The following PCDHGA12 variants were observed in gnomAD, a reference collection of about 807,000 sequenced individuals.
The protein encoded by PCDHGA12 is protocadherin gamma-A12.
A neutral mutation model predicts 61.1 loss-of-function variants in PCDHGA12; 43 were observed. The ratio of observed to expected loss-of-function variants is 0.70; its 90% confidence interval spans 0.55 to 0.91. The LOEUF is 0.91. Ranked by LOEUF, PCDHGA12 falls within the 40% of genes least tolerant of loss-of-function variation. PCDHGA12 has a pLI of 0.00. For missense variants in PCDHGA12, 1,236 were observed against 1,227.7 expected (o/e 1.01, Z -0.10); for synonymous variants, 520 against 542.9 (o/e 0.96, Z 0.59).
intron 2 of PCDHGA12, 91 bp from the exon 3 acceptor site, chr5:141,505,302 G>C: frequency 6.3e-7 from 1 of 1,592,714 alleles, no homozygotes. Context: ...TAGGGTTAGG[G>C]TACTAGGTTT....
intron 1 of PCDHGA12, among the ~76,000 whole-genome samples, chr5:141,482,144 G>C (rs564178008): frequency 1.3e-4 from 20 of 151,858 alleles, no homozygotes; most frequent in Admixed American, 9.8e-4. Flanking sequence ...GGCATAAAAA[G>C]GTCAAGTCAA....
At position 141,477,744 on chromosome 5, in the gene PCDHGA12, G is replaced by A; in HGVS notation, c.2425-17063G>A. On this transcript the variant is annotated intron_variant, in intron 1 of 3. Coordinates refer to ENST00000252085, the MANE Select transcript of PCDHGA12 (RefSeq NM_003735.3). The surrounding 1 kb of genome is among the most constrained non-coding windows in gnomAD (Gnocchi z 4.9). Reference sequence around the variant, plus strand: ...TTAACAGCTCATATCAGCGATGGGGGCACCCCGGTCCTAGCCACCAACATC... The same window carrying A: ...TTAACAGCTCATATCAGCGATGGGGACACCCCGGTCCTAGCCACCAACATC... 6.2e-7 allele frequency: 1 copy of A among 1,613,778 alleles called. No homozygotes were observed. The highest frequency in any genetic ancestry group is 8.5e-7 in the Non-Finnish European group (1 of 1,180,028).
chr5:141,496,467 T>A (rs1334392771), intron 2 of PCDHGA12, among the ~76,000 whole-genome samples: 1 of 152,056 alleles, frequency 6.6e-6, no homozygotes, highest in Non-Finnish European at 1.5e-5. Context: ...GAGTTATCTT[T>A]CCCCCATCCT....
chr5:141,489,425 G>A lies in PCDHGA12; in HGVS notation c.2425-5382G>A, dbSNP rs779739693. 18 of 1,614,000 alleles carry A rather than the reference G, an allele frequency of 1.1e-5. No homozygotes were observed. Among genetic ancestry groups the A allele is most frequent in the South Asian group, 5.5e-5 (5 of 91,074 alleles). The stretch of plus-strand genomic sequence containing the variant: ...TTAAAGATGACAGATCTGTTGAGCC[G>A]GCGGCTGCAATTGGGCTCTGAGGAG... On this transcript the variant is annotated intron_variant, in intron 1 of 3. Transcript: ENST00000252085. This position sits in a 1 kb window ranked among gnomAD's most constrained non-coding sequence, Gnocchi z 4.5.
chr5:141,503,894 T>C (rs898125492), intron 2 of PCDHGA12, among the ~76,000 whole-genome samples: 2 of 152,144 alleles, frequency 1.3e-5, no homozygotes, highest in African/African-American at 4.8e-5. Flanking sequence ...CATGACAAAA[T>C]ATGCACACAC....
rs2099427481 is a variant in PCDHGA12 at position 141,477,973 on chromosome 5, T to A, written c.2425-16834T>A. On this transcript the variant is annotated intron_variant, in intron 1 of 3. Coordinates refer to ENST00000252085, the MANE Select transcript of PCDHGA12 (RefSeq NM_003735.3). The surrounding 1 kb of genome is among the most constrained non-coding windows in gnomAD (Gnocchi z 4.9). The stretch of plus-strand genomic sequence containing the variant: ...TGGGATCCCCTAACCAGAGCCTTTT[T>A]GCCATAGGGCTGCACACTGGTCAAA... 1 of 1,614,030 alleles carries A rather than the reference T, an allele frequency of 6.2e-7. No individual in the cohort carries two copies. The highest frequency in any genetic ancestry group is 8.5e-7 in the Non-Finnish European group (1 of 1,180,030).
At chr5:141,461,617 C>T (rs1297064745) in intron 1 of PCDHGA12, among the ~76,000 whole-genome samples, 1 of 152,090 alleles carries the variant, frequency 6.6e-6, no homozygotes, top group African/African-American at 2.4e-5. Flanking sequence ...AAAGTATTTT[C>T]TAATACACCT....
rs374229757 is a variant in PCDHGA12, at chr5:141,491,437, C to T, written c.2425-3370C>T. 4 of 1,613,978 alleles carry T rather than the reference C, an allele frequency of 2.5e-6. No homozygotes were observed. Among genetic ancestry groups the T allele is most frequent in the Admixed American group, 3.3e-5 (2 of 60,004 alleles). ...CGGGGGTGGAGGGCAGTGCTGCAGG[C>T]GCCAGGACTCACCCTCCCCGGACTT... On this transcript the variant is annotated intron_variant, in intron 1 of 3. Coordinates refer to ENST00000252085, the MANE Select transcript of PCDHGA12 (RefSeq NM_003735.3). This position sits in a 1 kb window ranked among gnomAD's most constrained non-coding sequence, Gnocchi z 6.9.
chr5:141,505,324 G>A, intron 2 of PCDHGA12, 69 bp from the exon 3 acceptor site: 2 of 1,607,104 alleles, frequency 1.2e-6, no homozygotes, highest in African/African-American at 1.3e-5. Context: ...GGAGCCCTGG[G>A]AGAGGACAGG....
chr5:141,496,342 G>A (rs1430202202), intron 2 of PCDHGA12, among the ~76,000 whole-genome samples: 1 of 152,208 alleles, frequency 6.6e-6, no homozygotes, highest in East Asian at 1.9e-4. Context: ...GAGCCTGGAG[G>A]AGTCTCAGAG....
chr5:141,448,464 T>C lies in PCDHGA12; in HGVS notation c.2424+15281T>C, dbSNP rs186054602. Among the ~76,000 whole-genome samples the C allele has an allele frequency of 2.6e-3, 402 of 152,296 alleles. 10 individuals are homozygous for C. The highest frequency in any genetic ancestry group is 0.023 in the Admixed American group (357 of 15,282). ...CTGACTTCCATCCCTATCCTACTCCTATTCCACCCTTGCTTCCTCCTGTCC... is the reference window on the plus strand; with the variant it reads ...CTGACTTCCATCCCTATCCTACTCCCATTCCACCCTTGCTTCCTCCTGTCC... On this transcript the variant is annotated intron_variant, in intron 1 of 3. Transcript: ENST00000252085.
chr5:141,454,796 ATTTTTTTTTTTTTTTTTT>A (rs61612330), intron 1 of PCDHGA12, among the ~76,000 whole-genome samples: 1 of 77,408 alleles, frequency 1.3e-5, no homozygotes, highest in Non-Finnish European at 2.3e-5. Flanking sequence ...CATGGTTCTA[ATTTTTTTTTTTTTTTTTT>A]TTTTTTTTTT....
chr5:141,489,546 C>T lies in PCDHGA12; in HGVS notation c.2425-5261C>T, dbSNP rs1404605129. ...GCCTATGTGGAGCCAGCACCAGCTGCCTGCTGCCAGTGCAGGTGGTGACTG... is the reference window on the plus strand; with the variant it reads ...GCCTATGTGGAGCCAGCACCAGCTGTCTGCTGCCAGTGCAGGTGGTGACTG... On this transcript the variant is annotated intron_variant, in intron 1 of 3. Coordinates refer to ENST00000252085, the MANE Select transcript of PCDHGA12 (RefSeq NM_003735.3). The surrounding 1 kb of genome is among the most constrained non-coding windows in gnomAD (Gnocchi z 4.5). 2 of 1,614,076 alleles carry T rather than the reference C, an allele frequency of 1.2e-6. No homozygotes were observed. The highest frequency in any genetic ancestry group is 2.2e-5 in the East Asian group (1 of 44,868).
intron 1 of PCDHGA12, chr5:141,484,911 T>G (rs2154580253): frequency 9.3e-6 from 4 of 432,018 alleles, no homozygotes; most frequent in South Asian, 3.3e-5. Context: ...CTGCGACGCA[T>G]TAACCCTGCT....
chr5:141,478,164 C>G lies in PCDHGA12; in HGVS notation c.2425-16643C>G, dbSNP rs202185809. On this transcript the variant is annotated intron_variant, in intron 1 of 3. Transcript: ENST00000252085. Reference sequence around the variant, plus strand: ...GCCGAGTTCCCCTCTGGCTCTGCCCCCCGGGAGCAGAAAAAAAATCTCACC... The same window carrying G: ...GCCGAGTTCCCCTCTGGCTCTGCCCGCCGGGAGCAGAAAAAAAATCTCACC... The G allele has an allele frequency of 1.0e-4, 167 of 1,613,890 alleles. No homozygotes were observed. Among genetic ancestry groups the G allele is most frequent in the Non-Finnish European group, 1.3e-4 (157 of 1,180,048 alleles).
At chr5:141,433,207 TC>T (rs780557883) in intron 1 of PCDHGA12, 24 bp downstream of exon 1, 10 of 1,568,868 alleles carry the variant, frequency 6.4e-6, no homozygotes, top group African/African-American at 1.4e-5. Flanking sequence ...AAATCTTCTT[TC>T]TTTTTTTTTT....
intron 3 of PCDHGA12, among the ~76,000 whole-genome samples, chr5:141,507,645 G>A (rs565235954): frequency 6.6e-6 from 1 of 152,382 alleles, no homozygotes; most frequent in South Asian, 2.1e-4. Flanking sequence ...CTGAGGCCAG[G>A]AAGCAGCTTT....
At chr5:141,440,428 C>A (rs1001845529) in intron 1 of PCDHGA12, 1 of 152,132 alleles carries the variant, frequency 6.6e-6, no homozygotes, top group Non-Finnish European at 1.5e-5. Context: ...GCCTGGGTGA[C>A]AGAGCAAGGC....
At chr5:141,453,909 T>C (rs1484310834) in intron 1 of PCDHGA12, among the ~76,000 whole-genome samples, 1 of 152,236 alleles carries the variant, frequency 6.6e-6, no homozygotes, top group Non-Finnish European at 1.5e-5. Flanking sequence ...TTTCAAAGTA[T>C]GTCAGTGATC....
Sources: allele counts gnomAD v4.1 joint callset (sites outside exome capture counted in the v4.1 genomes callset), GRCh38; gene constraint gnomAD v4.1.1; non-coding constraint Gnocchi (gnomAD v3.1); transcripts MANE v1.5; gene names NCBI Gene and HGNC (gene_info 2026-07-23, HGNC 2026-07-21).